Variants in AGAP1 observed in about 807,000 individuals in gnomAD.
AGAP1 encodes arf-GAP with GTPase, ANK repeat and PH domain-containing protein 1.
A neutral mutation model predicts 105.3 loss-of-function variants in AGAP1; 29 were observed. The observed-to-expected ratio is 0.28, with a 90% CI of 0.21 to 0.38. The LOEUF is 0.38. Among genes scored for constraint, AGAP1 ranks in the 10% least tolerant of loss-of-function variants. The pLI, the probability that AGAP1 is intolerant of heterozygous loss-of-function variation, is 1.00. For synonymous variants in AGAP1, 509 were observed against 485.9 expected (o/e 1.05, Z -0.63); for missense variants, 998 against 1,165.1 (o/e 0.86, Z 2.09).
intron 6 of AGAP1, among the ~76,000 whole-genome samples, chr2:235,772,604 T>G (rs948332969): frequency 5.9e-5 from 9 of 152,218 alleles, no homozygotes; most frequent in African/African-American, 2.2e-4. Flanking sequence ...AGCTGTGAAA[T>G]GGATCTGCCT....
chr2:236,052,828 A>T (rs943714202), intron 16 of AGAP1, among the ~76,000 whole-genome samples: 1 of 152,188 alleles, frequency 6.6e-6, no homozygotes, highest in East Asian at 1.9e-4. Context: ...AAACAGAGCA[A>T]TGCTACAACA....
intron 9 of AGAP1, among the ~76,000 whole-genome samples, chr2:235,825,690 A>T (rs1295800727): frequency 6.6e-6 from 1 of 152,218 alleles, no homozygotes; most frequent in Admixed American, 6.5e-5. Context: ...CTAATTTATC[A>T]AATATGTTTG....
At chr2:235,840,074 A>G (rs144967040) in intron 9 of AGAP1, among the ~76,000 whole-genome samples, 2 of 152,364 alleles carry the variant, frequency 1.3e-5, no homozygotes, top group African/African-American at 4.8e-5. Context: ...GTTTGTAATC[A>G]GGTCATATTG....
chr2:235,864,513 CA>C lies in AGAP1; in HGVS notation c.1051-18831del, dbSNP rs2049067681. On this transcript the variant is annotated intron_variant, in intron 9 of 17. Transcript: ENST00000304032. The surrounding 1 kb of genome is among the most constrained non-coding windows in gnomAD (Gnocchi z 5.0). ...GGAAGGTGGTTGAGCGTTTCCGCTC[CA>C]CTGCGCGGCCCCGGAGCCCCCAAAC... Among the ~76,000 whole-genome samples the C allele has an allele frequency of 6.6e-6, 1 of 152,176 alleles. No individual in the cohort carries two copies. Among genetic ancestry groups the C allele is most frequent in the South Asian group, 2.1e-4 (1 of 4,820 alleles).
rs948379019 is a variant in AGAP1, at chr2:236,129,577, C to A, written c.*5455C>A. ...TGTCCCGTCTGTGATTAGACAGAAA[C>A]CCCTGTGGCAGACTCCTCCCCTCTC... On this transcript the variant is annotated 3_prime_UTR_variant, in exon 18 of 18. Transcript: ENST00000304032. The surrounding 1 kb of genome is among the most constrained non-coding windows in gnomAD (Gnocchi z 6.2). 6.6e-6 allele frequency: 1 copy of A among 152,150 alleles called. No individual in the cohort carries two copies. Among genetic ancestry groups the A allele is most frequent in the African/African-American group, 2.4e-5 (1 of 41,428 alleles). 9.4% of individuals were successfully genotyped at this position (152,150 alleles called of 1,614,324 possible).
intron 9 of AGAP1, among the ~76,000 whole-genome samples, chr2:235,817,179 G>A (rs1469437901): frequency 6.6e-6 from 1 of 152,076 alleles, no homozygotes; most frequent in Non-Finnish European, 1.5e-5. Flanking sequence ...CACTTGGCAT[G>A]GCTCTTAGAC....
intron 6 of AGAP1, among the ~76,000 whole-genome samples, chr2:235,784,581 T>C (rs1956493160): frequency 7.1e-6 from 1 of 141,358 alleles, no homozygotes; most frequent in African/African-American, 2.6e-5. Flanking sequence ...ATTGATAAAC[T>C]TAATTTCTTA....
At position 235,739,937 on chromosome 2, in the gene AGAP1, G is replaced by T. The variant is rs890047209; in HGVS notation, c.311-1026G>T. ...TGGGCTCTGGCAGCATTGTCCTCTG[G>T]GTCCAGCGATTTGGGGTTTAGACAG... On this transcript the variant is annotated intron_variant, in intron 3 of 17. Coordinates refer to ENST00000304032, the MANE Select transcript of AGAP1 (RefSeq NM_001037131.3). The surrounding 1 kb of genome is among the most constrained non-coding windows in gnomAD (Gnocchi z 5.3). Among the ~76,000 whole-genome samples the T allele has an allele frequency of 6.6e-6, 1 of 152,202 alleles. No homozygotes were observed. The highest frequency in any genetic ancestry group is 1.5e-5 in the Non-Finnish European group (1 of 68,026).
chr2:235,950,672 TC>T (rs150435598), intron 12 of AGAP1, among the ~76,000 whole-genome samples: 3,554 of 152,240 alleles, frequency 0.023, 147 homozygotes, highest in African/African-American at 0.081. Flanking sequence ...CCCTGACCCT[TC>T]CAGCAGCCAC....
In AGAP1 at chr2:236,002,073, CAG is replaced by C. The variant is rs1429145167; in HGVS notation, c.1645+33451_1645+33452del. On this transcript the variant is annotated intron_variant, in intron 13 of 17. Coordinates refer to ENST00000304032, the MANE Select transcript of AGAP1 (RefSeq NM_001037131.3). This position sits in a 1 kb window ranked among gnomAD's most constrained non-coding sequence, Gnocchi z 4.3. The stretch of plus-strand genomic sequence containing the variant: ...GCTAGACTTGGGATGTCTGTGTTGA[CAG>C]GGCCATGGGTGAGAACAGAGAGTTT... Among the ~76,000 whole-genome samples the C allele has an allele frequency of 6.6e-6, 1 of 152,158 alleles. No individual in the cohort carries two copies. The highest frequency in any genetic ancestry group is 1.5e-5 in the Non-Finnish European group (1 of 68,020).
In AGAP1 at chr2:236,035,511, G is replaced by C. The variant is rs1259109968; in HGVS notation, c.1646-1050G>C. Reference sequence around the variant, plus strand: ...GTGTGATGGTACACACCTGTAGTCCGAGCTACTCAGGAGGCGAAGGCAGGC... The same window carrying C: ...GTGTGATGGTACACACCTGTAGTCCCAGCTACTCAGGAGGCGAAGGCAGGC... On this transcript the variant is annotated intron_variant, in intron 13 of 17. Coordinates refer to ENST00000304032, the MANE Select transcript of AGAP1 (RefSeq NM_001037131.3). The surrounding 1 kb of genome is among the most constrained non-coding windows in gnomAD (Gnocchi z 4.2). Among the ~76,000 whole-genome samples the C allele has an allele frequency of 6.6e-6, 1 of 152,112 alleles. No homozygotes were observed. The highest frequency in any genetic ancestry group is 2.1e-4 in the South Asian group (1 of 4,832).
In AGAP1 at chr2:236,044,767, TCACA is replaced by T. The variant is rs34701466; in HGVS notation, c.1891+3945_1891+3948del. Among the ~76,000 whole-genome samples the T allele has an allele frequency of 1.1e-4, 16 of 150,158 alleles. No homozygotes were observed. Among genetic ancestry groups the T allele is most frequent in the Middle Eastern group, 3.4e-3 (1 of 290 alleles). On this transcript the variant is annotated intron_variant, in intron 15 of 17. Transcript: ENST00000304032. This position sits in a 1 kb window ranked among gnomAD's most constrained non-coding sequence, Gnocchi z 5.7. Reference sequence around the variant, plus strand: ...CCTTCCCTGACCTCCAGGTTTGAAATCACACACACACACACACACACATCCCTAC... The same window carrying T: ...CCTTCCCTGACCTCCAGGTTTGAAATCACACACACACACACACATCCCTAC...
At chr2:235,771,998 TC>T (rs1955495613) in intron 6 of AGAP1, among the ~76,000 whole-genome samples, 1 of 88,296 alleles carries the variant, frequency 1.1e-5, no homozygotes, top group Admixed American at 1.7e-4. Context: ...TCTTTTCTTA[TC>T]TTTTTTTTTT....
chr2:235,511,492 CT>C (rs1942108431), intron 1 of AGAP1, among the ~76,000 whole-genome samples: 1 of 152,106 alleles, frequency 6.6e-6, no homozygotes, highest in African/African-American at 2.4e-5. Flanking sequence ...TCCCTCACTC[CT>C]CCCATTGCCT....
chr2:235,542,875 A>G (rs1299176149), intron 1 of AGAP1, among the ~76,000 whole-genome samples: 1 of 152,170 alleles, frequency 6.6e-6, no homozygotes, highest in Non-Finnish European at 1.5e-5. Context: ...AAGGCTCTGA[A>G]TCTCGCTTTC....
In AGAP1 at chr2:235,791,967, G is replaced by T. The variant is rs142618173; in HGVS notation, c.674-5792G>T. On this transcript the variant is annotated intron_variant, in intron 6 of 17. Transcript: ENST00000304032. ...ATTTTGCTTTTAAAATATTTTCGTG[G>T]AGTAAAATTAGTGTTTAGTCTCATG... Among the ~76,000 whole-genome samples the T allele has an allele frequency of 8.1e-4, 124 of 152,292 alleles. 2 individuals carry two copies. In the East Asian group the frequency reaches 0.019, roughly 24 times the overall value.
rs762493108 is a variant in AGAP1 at position 235,994,329 on chromosome 2, T to C, written c.1645+25706T>C. Among the ~76,000 whole-genome samples, 3 of 152,204 alleles carry C rather than the reference T, an allele frequency of 2.0e-5. No individual in the cohort carries two copies. ...TGAAAGCTGGTTCCATTTAGGGGTG[T>C]TCCCTGTCATTTTCGTGCTGTGCAA... On this transcript the variant is annotated intron_variant, in intron 13 of 17. Transcript: ENST00000304032. The surrounding 1 kb of genome is among the most constrained non-coding windows in gnomAD (Gnocchi z 4.4).
At chr2:235,570,332 G>GT in intron 1 of AGAP1, among the ~76,000 whole-genome samples, 1 of 152,204 alleles carries the variant, frequency 6.6e-6, no homozygotes, top group Non-Finnish European at 1.5e-5. Flanking sequence ...GGGGCAGGAG[G>GT]TTCCTTTCAA....
chr2:235,892,375 T>C (rs1405731119), intron 10 of AGAP1, among the ~76,000 whole-genome samples: 1 of 152,170 alleles, frequency 6.6e-6, no homozygotes, highest in African/African-American at 2.4e-5. Flanking sequence ...AACCCTTTGA[T>C]TCTGTGTGTC....
Sources: gnomAD v4.1 joint callset for allele counts (sites outside exome capture counted in the v4.1 genomes callset) on GRCh38, gnomAD v4.1.1 for gene constraint, Gnocchi (gnomAD v3.1) non-coding constraint, MANE v1.5 for transcripts, NCBI Gene and HGNC (gene_info 2026-07-23, HGNC 2026-07-21) for gene names.